Variants in PEX5L observed in about 807,000 individuals in gnomAD.
PEX5L encodes the protein peroxisomal biogenesis factor 5 like, also known as PEX5-related protein.
PEX5L carries 30 observed loss-of-function variants against 84.0 expected under a neutral mutation model. The ratio of observed to expected loss-of-function variants is 0.36; its 90% CI spans 0.27 to 0.48. PEX5L has a LOEUF of 0.48. Among genes scored for constraint, PEX5L ranks in the 20% least tolerant of loss-of-function variants. PEX5L has a pLI of 0.99. For synonymous variants in PEX5L, 270 were observed against 283.1 expected, an observed-to-expected ratio of 0.95 and a Z score of 0.46; for missense variants, 533 against 754.6, an observed-to-expected ratio of 0.71 and a Z score of 3.44.
intron 2 of PEX5L, among the ~76,000 whole-genome samples, chr3:179,967,379 G>A (rs1292689066): frequency 1.3e-5 from 2 of 152,140 alleles, no homozygotes; most frequent in Non-Finnish European, 2.9e-5. Context: ...GTGAAGTGGT[G>A]ATGCCTAGCT....
At chr3:179,888,227 C>T (rs889208754) in intron 3 of PEX5L, 31 of 1,194,096 alleles carry the variant, frequency 2.6e-5, no homozygotes, top group Non-Finnish European at 2.9e-5. Flanking sequence ...TGCAAACACA[C>T]GGATCAGTGT....
intron 14 of PEX5L, among the ~76,000 whole-genome samples, chr3:179,802,650 T>G (rs1208129007): frequency 2.0e-5 from 3 of 152,166 alleles, no homozygotes; most frequent in African/African-American, 7.2e-5. Context: ...CATTCGATTT[T>G]CCTCTGCTCT....
At chr3:179,930,631 A>T (rs746322553) in intron 2 of PEX5L, among the ~76,000 whole-genome samples, 37 of 152,236 alleles carry the variant, frequency 2.4e-4, no homozygotes, top group Non-Finnish European at 3.1e-4. Flanking sequence ...TTGGGCTTTA[A>T]ATATGCCTCA....
chr3:180,004,061 G>A (rs1788656279), intron 1 of PEX5L, among the ~76,000 whole-genome samples: 2 of 152,182 alleles, frequency 1.3e-5, no homozygotes, highest in South Asian at 4.1e-4. Flanking sequence ...ATTTGGAACA[G>A]CCTTTTCAAT....
At chr3:179,875,328 C>T (rs1329246856) in intron 6 of PEX5L, 26 bp downstream of exon 6, 20 of 1,612,294 alleles carry the variant, frequency 1.2e-5, no homozygotes, top group South Asian at 5.5e-5. Flanking sequence ...CATAAATGGC[C>T]GTTTTCTGGT....
intron 8 of PEX5L, among the ~76,000 whole-genome samples, chr3:179,841,812 G>A (rs1737414375): frequency 6.6e-6 from 1 of 152,140 alleles, no homozygotes; most frequent in Non-Finnish European, 1.5e-5. Flanking sequence ...ATATTTTACT[G>A]AAACAGGAGG....
At chr3:179,811,992 T>A (rs1451180605) in intron 10 of PEX5L, 121 bp from the exon 11 acceptor site, 6 of 743,370 alleles carry the variant, frequency 8.1e-6, no homozygotes, top group Non-Finnish European at 1.4e-5. Flanking sequence ...ATGTGAGCGC[T>A]ATATAAAAGG....
At chr3:179,902,677 G>A (rs780438411) in intron 2 of PEX5L, 3 of 456,392 alleles carry the variant, frequency 6.6e-6, no homozygotes, top group Admixed American at 2.4e-5. Flanking sequence ...CTTGAGATCC[G>A]TTTTGGTGCA....
At chr3:180,025,887 T>C (rs1450057010) in intron 1 of PEX5L, among the ~76,000 whole-genome samples, 6 of 152,250 alleles carry the variant, frequency 3.9e-5, no homozygotes, top group African/African-American at 1.2e-4. Context: ...TTATCTCATC[T>C]AGTCCTTATG....
chr3:179,908,866 CATT>C (rs1455641643), intron 2 of PEX5L, among the ~76,000 whole-genome samples: 1 of 152,102 alleles, frequency 6.6e-6, no homozygotes, highest in Non-Finnish European at 1.5e-5. Flanking sequence ...TCCAGTCTAT[CATT>C]GTTGGACATT....
chr3:180,002,661 T>C (rs1381065342), intron 1 of PEX5L, among the ~76,000 whole-genome samples: 1 of 152,136 alleles, frequency 6.6e-6, no homozygotes, highest in Non-Finnish European at 1.5e-5. Context: ...TGTATTTTTC[T>C]ATCAATATAA....
At chr3:179,860,482 GA>G (rs1428977031) in intron 7 of PEX5L, among the ~76,000 whole-genome samples, 3 of 152,214 alleles carry the variant, frequency 2.0e-5, no homozygotes, top group Non-Finnish European at 4.4e-5. Context: ...AATTAAATAA[GA>G]AACTCTGGGG....
intron 1 of PEX5L, among the ~76,000 whole-genome samples, chr3:179,976,842 C>T (rs1785847277): frequency 6.6e-6 from 1 of 152,084 alleles, no homozygotes; most frequent in Admixed American, 6.5e-5. Context: ...ACTGTTTCCT[C>T]CTTCCCTTGT....
intron 12 of PEX5L, among the ~76,000 whole-genome samples, chr3:179,809,228 C>T (rs1418312053): frequency 6.6e-6 from 1 of 151,952 alleles, no homozygotes; most frequent in Admixed American, 6.6e-5. Context: ...AAGCATTTGA[C>T]TTTAAAATGT....
At chr3:179,866,271 A>C (rs1748113960) in intron 7 of PEX5L, among the ~76,000 whole-genome samples, 1 of 152,150 alleles carries the variant, frequency 6.6e-6, no homozygotes. Flanking sequence ...TTATCGCTGG[A>C]GGAGAAAAAG....
Position 179,801,936 on chromosome 3 carries a change from C to A in PEX5L, c.1773G>T (p.Trp591Cys), listed in dbSNP as rs779450043. 6.2e-7 allele frequency: 1 copy of A among 1,613,408 alleles called. No homozygotes were observed. Among genetic ancestry groups the A allele is most frequent in the African/African-American group, 1.3e-5 (1 of 74,822 alleles). Reference sequence around the variant, plus strand: ...GAGAGAGCGCAATTCTGAGGGCAGCCCAGATATTCCCAGAGATTGCAGGAT... The same window carrying A: ...GAGAGAGCGCAATTCTGAGGGCAGCACAGATATTCCCAGAGATTGCAGGAT... ...VPHPAISGNI[W>C]AALRIALSLM... The change falls in exon 15 of 15, where the codon TGG becomes TGT. Residue 591 changes from tryptophan (W) to cysteine (C), a missense_variant. Physicochemically the swap from Trp to Cys is radical, Grantham distance 215 (BLOSUM62 -2). Around this residue, in one of 8 missense-constraint regions of PEX5L, gnomAD observed 105 missense variants for 204.6 expected, o/e 0.51. Coordinates refer to ENST00000467460, the MANE Select transcript of PEX5L (RefSeq NM_016559.3).
intron 1 of PEX5L, 112 bp from the exon 2 acceptor site, chr3:179,971,777 C>A: frequency 9.6e-7 from 1 of 1,041,592 alleles, no homozygotes; most frequent in Non-Finnish European, 1.3e-6. Flanking sequence ...AGTCATAATG[C>A]ATCATTCTTT....
chr3:179,866,786 A>T (rs182840436), intron 7 of PEX5L, among the ~76,000 whole-genome samples: 2 of 152,126 alleles, frequency 1.3e-5, no homozygotes, highest in Admixed American at 1.3e-4. Context: ...GCACTTTGGG[A>T]GGCCGAGGTG....
intron 12 of PEX5L, 104 bp from the exon 13 acceptor site, chr3:179,808,541 G>C (rs1469414374): frequency 7.7e-6 from 7 of 908,236 alleles, no homozygotes; most frequent in Non-Finnish European, 1.1e-5. Context: ...CTTCGTTACA[G>C]ACTGGAAAAT....
Sources: gnomAD v4.1 joint callset for allele counts (sites outside exome capture counted in the v4.1 genomes callset) on GRCh38, gnomAD v4.1.1 for gene constraint, gnomAD v4.1.1 regional missense constraint, MANE v1.5 for transcripts, NCBI Gene and HGNC (gene_info 2026-07-23, HGNC 2026-07-21) for gene names.